The following NARS2 variants were observed in gnomAD, a reference collection of about 807,000 sequenced individuals.
NARS2 encodes asparaginyl-tRNA synthetase.
In NARS2, 60 loss-of-function variants were observed where a neutral mutation model predicts 62.9. That is an observed-to-expected ratio of 0.95 (90% CI 0.77 to 1.18). The LOEUF is 1.18. Ranked by LOEUF, NARS2 falls within the 50% of genes most tolerant of loss-of-function variation. NARS2 has a pLI of 0.00. For synonymous variants in NARS2, 196 were observed against 200.0 expected (o/e 0.98, Z 0.17); for missense variants, 619 against 576.4 (o/e 1.07, Z -0.76).
At position 78,521,445 on chromosome 11, in the gene NARS2, T is replaced by C. The variant is rs574181023; in HGVS notation, c.689+7397A>G. ...GCCTCAGCCTCTCAAAGTGTTGAGA[T>C]TGCAGGCTTAAGCCACTGCGCCAGG... On this transcript the variant is annotated intron_variant, in intron 6 of 13. Transcript: ENST00000281038. 7.9e-4 allele frequency among the ~76,000 whole-genome samples: 120 copies of C among 152,168 alleles called. 1 individual carries two copies. The highest frequency in any genetic ancestry group is 4.1e-3 in the Admixed American group (62 of 15,290).
At chr11:78,521,366 T>A (rs1438923290) in intron 6 of NARS2, among the ~76,000 whole-genome samples, 5 of 151,990 alleles carry the variant, frequency 3.3e-5, no homozygotes, top group Non-Finnish European at 1.5e-5. Context: ...AGAGACTAGG[T>A]CCCACTATGT....
chr11:78,517,398 T>C (rs1860953616), intron 6 of NARS2, among the ~76,000 whole-genome samples: 1 of 152,158 alleles, frequency 6.6e-6, no homozygotes, highest in Non-Finnish European at 1.5e-5. Context: ...AGTTCATAGG[T>C]GGGGAGCTGA....
At chr11:78,496,059 C>A (rs1015950392) in intron 6 of NARS2, among the ~76,000 whole-genome samples, 3 of 152,136 alleles carry the variant, frequency 2.0e-5, no homozygotes, top group Non-Finnish European at 2.9e-5. Flanking sequence ...CAGGCTCTGA[C>A]TGAGGTATCT....
Position 78,566,207 on chromosome 11 carries a change from C to G in NARS2, c.438G>C (p.Arg146Ser). The change falls in exon 4 of 14, where the codon AGG becomes AGC. Residue 146 changes from arginine (R) to serine (S), a missense_variant. By Grantham distance (110) the Arg-to-Ser change is moderately radical. Transcript: ENST00000281038. ...LEYLRQYPHF[R>S]CRTNVLGSIL... The stretch of plus-strand genomic sequence containing the variant: ...TAGAACCCAGAACGTTAGTCCTACA[C>G]CTAAAGTGAGGATATTGTCGCAGAT... The G allele has an allele frequency of 6.2e-7, 1 of 1,612,544 alleles. No individual in the cohort carries two copies. Among genetic ancestry groups the G allele is most frequent in the South Asian group, 1.1e-5 (1 of 90,904 alleles).
At chr11:78,552,757 T>C (rs1271613168) in intron 5 of NARS2, among the ~76,000 whole-genome samples, 1 of 152,196 alleles carries the variant, frequency 6.6e-6, no homozygotes, top group East Asian at 1.9e-4. Context: ...GTATATGGAT[T>C]GATGTCTCAT....
chr11:78,561,079 T>C (rs989941294), intron 4 of NARS2, among the ~76,000 whole-genome samples: 1 of 152,038 alleles, frequency 6.6e-6, no homozygotes, highest in Non-Finnish European at 1.5e-5. Context: ...CTGTAAATCT[T>C]AGGAAAATAA....
chr11:78,461,069 G>A (rs11822363), intron 11 of NARS2, among the ~76,000 whole-genome samples: 3,085 of 152,268 alleles, frequency 0.02, 106 homozygotes, highest in African/African-American at 0.071. Flanking sequence ...GGACTCATTA[G>A]TATCCTCGAA....
intron 6 of NARS2, among the ~76,000 whole-genome samples, chr11:78,504,148 A>T (rs975411486): frequency 6.6e-6 from 1 of 152,210 alleles, no homozygotes; most frequent in African/African-American, 2.4e-5. Context: ...CTAAAATTCA[A>T]ATTTTTCCAC....
chr11:78,443,761 A>C lies in NARS2; in HGVS notation c.1165-3T>G, dbSNP rs754402359. The C allele has an allele frequency of 6.3e-6, 10 of 1,599,936 alleles. No individual in the cohort carries two copies. Among genetic ancestry groups the C allele is most frequent in the South Asian group, 4.4e-5 (4 of 90,610 alleles). ...ACCAGAAGATCAACAGCAGCAACCT[A>C]AGGAAAAAAAAAAAATTATTAGCAT... On this transcript the variant is annotated splice_polypyrimidine_tract_variant and splice_region_variant and intron_variant, in intron 11 of 13. Coordinates refer to ENST00000281038, the MANE Select transcript of NARS2 (RefSeq NM_024678.6).
intron 6 of NARS2, among the ~76,000 whole-genome samples, chr11:78,520,826 C>T (rs1159153034): frequency 7.2e-5 from 11 of 152,020 alleles, no homozygotes; most frequent in East Asian, 3.9e-4. Context: ...GAGGCCGAGG[C>T]GGGTGGATCA....
At chr11:78,445,714 C>G (rs1038779250) in intron 11 of NARS2, among the ~76,000 whole-genome samples, 12 of 152,086 alleles carry the variant, frequency 7.9e-5, no homozygotes, top group African/African-American at 1.9e-4. Context: ...ACTTGGGAAG[C>G]TGAGGTGGGA....
At chr11:78,544,197 G>C (rs1446565788) in intron 5 of NARS2, among the ~76,000 whole-genome samples, 4 of 151,976 alleles carry the variant, frequency 2.6e-5, no homozygotes, top group Admixed American at 2.6e-4. Flanking sequence ...ATAGCAGCCA[G>C]AATGATCTCA....
chr11:78,550,993 C>CGAAT (rs1856082477), intron 5 of NARS2, among the ~76,000 whole-genome samples: 1 of 152,124 alleles, frequency 6.6e-6, no homozygotes, highest in Non-Finnish European at 1.5e-5. Flanking sequence ...TTGTACGATT[C>CGAAT]CATTTATATG....
chr11:78,534,378 G>A (rs1342163480), intron 5 of NARS2, among the ~76,000 whole-genome samples: 1 of 152,120 alleles, frequency 6.6e-6, no homozygotes, highest in Non-Finnish European at 1.5e-5. Flanking sequence ...ATTTTCTACG[G>A]ATCACATGGT....
chr11:78,549,936 A>T (rs570910679), intron 5 of NARS2, among the ~76,000 whole-genome samples: 5 of 152,210 alleles, frequency 3.3e-5, no homozygotes, highest in Non-Finnish European at 4.4e-5. Context: ...AGACAACCCA[A>T]TTAAAGTCTT....
chr11:78,555,675 T>C (rs1483380042), intron 5 of NARS2, among the ~76,000 whole-genome samples: 2 of 152,210 alleles, frequency 1.3e-5, no homozygotes, highest in Admixed American at 6.5e-5. Flanking sequence ...GTGTCTCAGC[T>C]TCCTTCAGTT....
intron 9 of NARS2, among the ~76,000 whole-genome samples, chr11:78,478,127 A>G (rs1358559465): frequency 6.6e-6 from 1 of 152,126 alleles, no homozygotes; most frequent in African/African-American, 2.4e-5. Flanking sequence ...TTTGATGACT[A>G]AAGTTAGTAT....
intron 3 of NARS2, among the ~76,000 whole-genome samples, chr11:78,568,251 A>C (rs770686489): frequency 1.3e-5 from 2 of 152,158 alleles, no homozygotes; most frequent in Non-Finnish European, 2.9e-5. Flanking sequence ...ATTTTAATGG[A>C]TTTAATACCA....
At chr11:78,476,129 A>C (rs1243900628) in intron 9 of NARS2, among the ~76,000 whole-genome samples, 1 of 152,190 alleles carries the variant, frequency 6.6e-6, no homozygotes, top group African/African-American at 2.4e-5. Context: ...AACCAGATAG[A>C]CTTTCCTACT....
Sources: gnomAD v4.1 joint callset for allele counts (sites outside exome capture counted in the v4.1 genomes callset) on GRCh38, gnomAD v4.1.1 for gene constraint, MANE v1.5 for transcripts, NCBI Gene and HGNC (gene_info 2026-07-23, HGNC 2026-07-21) for gene names.